The following OR6C74 variants were observed in gnomAD, a reference collection of about 807,000 sequenced individuals.
The protein encoded by OR6C74 is olfactory receptor 6C74.
For missense variants in OR6C74, 361 were observed against 362.9 expected (o/e 0.99, Z 0.04); for synonymous variants, 142 against 134.2 (o/e 1.06, Z -0.40).
Position 55,251,064 on chromosome 12 carries a change from A to T in OR6C74, c.*2838A>T, listed in dbSNP as rs919749367. Among the ~76,000 whole-genome samples the T allele has an allele frequency of 1.3e-5, 2 of 152,118 alleles. No homozygotes were observed. The highest frequency in any genetic ancestry group is 1.3e-4 in the Admixed American group (2 of 15,252). ...TCTCCGTTGCCTGCAAAATAATGAC[A>T]AAATTCCCCAAATATTTGCATAACC... On this transcript the variant is annotated 3_prime_UTR_variant, in exon 2 of 2. Coordinates refer to ENST00000343399, the MANE Select transcript of OR6C74 (RefSeq NM_001005490.2).
At position 55,256,203 on chromosome 12, in the gene OR6C74, G is replaced by T. The variant is rs574266340; in HGVS notation, c.*7977G>T. ...TCACCAAGATTCCTGTCCCAGAAAA[G>T]CAGATGTTCATAGCTCTGGGAATGG... is the stretch of plus-strand genomic sequence containing the variant. On this transcript the variant is annotated 3_prime_UTR_variant, in exon 2 of 2. Coordinates refer to ENST00000343399, the MANE Select transcript of OR6C74 (RefSeq NM_001005490.2). Among the ~76,000 whole-genome samples the T allele has an allele frequency of 4.6e-5, 7 of 152,118 alleles. No homozygotes were observed. Among genetic ancestry groups the T allele is most frequent in the Non-Finnish European group, 8.8e-5 (6 of 67,990 alleles).
At chr12:55,245,141 G>C (rs981307232) in intron 1 of OR6C74, among the ~76,000 whole-genome samples, 1 of 151,962 alleles carries the variant, frequency 6.6e-6, no homozygotes, top group African/African-American at 2.4e-5. Context: ...GTTTGTTTTT[G>C]TTTTTGTTTT....
chr12:55,255,828 T>G lies in OR6C74; in HGVS notation c.*7602T>G, dbSNP rs1954340307. ...AAGGCTATAAATTATTTAATTTCAT[T>G]TATATAATATTCTGGTAGAGATAAA... On this transcript the variant is annotated 3_prime_UTR_variant, in exon 2 of 2. Transcript: ENST00000343399. Among the ~76,000 whole-genome samples, 1 of 152,166 alleles carries G rather than the reference T, an allele frequency of 6.6e-6. No individual in the cohort carries two copies. The highest frequency in any genetic ancestry group is 2.1e-4 in the South Asian group (1 of 4,830).
At position 55,248,399 on chromosome 12, in the gene OR6C74, T is replaced by G. The variant is rs2136313998; in HGVS notation, c.*173T>G. 1 of 524,722 alleles carries G rather than the reference T, an allele frequency of 1.9e-6. No individual in the cohort carries two copies. Among genetic ancestry groups the G allele is most frequent in the South Asian group, 3.2e-5 (1 of 31,560 alleles). 32.5% of individuals were successfully genotyped at this position (524,722 alleles called of 1,614,324 possible). A position where few individuals can be genotyped will look rare whatever the true frequency, so the allele number is the denominator to read the frequency against. On this transcript the variant is annotated 3_prime_UTR_variant, in exon 2 of 2. Transcript: ENST00000343399. ...AACCTTCACTGCCATTTCTCCCTCATGCTGAGATCACATAGAAAAGATATT... is the reference window on the plus strand; with the variant it reads ...AACCTTCACTGCCATTTCTCCCTCAGGCTGAGATCACATAGAAAAGATATT...
Position 55,255,172 on chromosome 12 carries a change from G to C in OR6C74, c.*6946G>C, listed in dbSNP as rs1040416204. Among the ~76,000 whole-genome samples, 5 of 152,028 alleles carry C rather than the reference G, an allele frequency of 3.3e-5. No individual in the cohort carries two copies. Among genetic ancestry groups the C allele is most frequent in the Admixed American group, 3.3e-4 (5 of 15,266 alleles). ...TTCTAGCTATCTCTTTAAAATAGTG[G>C]GGGTTCCCTAAGTTCAGGATTTCAC... On this transcript the variant is annotated 3_prime_UTR_variant, in exon 2 of 2. Coordinates refer to ENST00000343399, the MANE Select transcript of OR6C74 (RefSeq NM_001005490.2).
In OR6C74 at chr12:55,248,175, A is replaced by G; in HGVS notation, c.888A>G (p.Lys296=). The G allele has an allele frequency of 6.2e-7, 1 of 1,613,388 alleles. No homozygotes were observed. Among genetic ancestry groups the G allele is most frequent in the Non-Finnish European group, 8.5e-7 (1 of 1,179,674 alleles). ...FIYTLRNKQV[K]DVFKHTVKKI... ...ATACACTGAGAAACAAACAAGTAAA[A>G]GATGTTTTTAAGCACACAGTCAAAA... The change falls in exon 2 of 2, where the codon AAA becomes AAG. Residue 296 remains lysine, a synonymous_variant. Transcript: ENST00000343399.
Position 55,247,927 on chromosome 12 carries a change from C to T in OR6C74, c.640C>T (p.Leu214Phe). 4 of 1,613,994 alleles carry T rather than the reference C, an allele frequency of 2.5e-6. No individual in the cohort carries two copies. Among genetic ancestry groups the T allele is most frequent in the Non-Finnish European group, 3.4e-6 (4 of 1,179,906 alleles). The change falls in exon 2 of 2, where the codon CTC becomes TTC. Residue 214 changes from leucine (L) to phenylalanine (F), a missense_variant. Transcript: ENST00000343399. ...TLLVTLVLVILSYTNIIRTIL... is the reference protein window; with the variant it reads ...TLLVTLVLVIFSYTNIIRTIL... Reference sequence around the variant, plus strand: ...CCTGGTTACACTGGTATTAGTGATTCTCTCCTACACAAATATTATCAGGAC... The same window carrying T: ...CCTGGTTACACTGGTATTAGTGATTTTCTCCTACACAAATATTATCAGGAC...
rs1954346282 is a variant in OR6C74, at chr12:55,256,493, G to A, written c.*8267G>A. ...TAATCATAGGTTATGGAAAGACTGTGTTTCTGTTTTAAGGCTCTGTTAGAA... is the reference window on the plus strand; with the variant it reads ...TAATCATAGGTTATGGAAAGACTGTATTTCTGTTTTAAGGCTCTGTTAGAA... On this transcript the variant is annotated 3_prime_UTR_variant, in exon 2 of 2. Transcript: ENST00000343399. 6.6e-6 allele frequency among the ~76,000 whole-genome samples: 1 copy of A among 152,062 alleles called. No homozygotes were observed. The highest frequency in any genetic ancestry group is 2.1e-4 in the South Asian group (1 of 4,818).
rs144133560 is a variant in OR6C74 at position 55,255,876 on chromosome 12, A to G, written c.*7650A>G. On this transcript the variant is annotated 3_prime_UTR_variant, in exon 2 of 2. Coordinates refer to ENST00000343399, the MANE Select transcript of OR6C74 (RefSeq NM_001005490.2). ...AAATTTATAGAGAAAGTAACATATC[A>G]GTGGTTGCCAGGACTTTGTTGGAGT... Among the ~76,000 whole-genome samples the G allele has an allele frequency of 6.6e-6, 1 of 152,152 alleles. No individual in the cohort carries two copies. Among genetic ancestry groups the G allele is most frequent in the Non-Finnish European group, 1.5e-5 (1 of 68,010 alleles).
In OR6C74 at chr12:55,250,976, G is replaced by A. The variant is rs541142937; in HGVS notation, c.*2750G>A. ...CTCTAACTCATCCTCCACATTGCTA[G>A]TAGGATACTTTCTAAAATACAAATC... On this transcript the variant is annotated 3_prime_UTR_variant, in exon 2 of 2. Transcript: ENST00000343399. 2.6e-5 allele frequency among the ~76,000 whole-genome samples: 4 copies of A among 152,100 alleles called. No homozygotes were observed. In the South Asian group the frequency reaches 8.3e-4, roughly 32 times the overall value.
Position 55,249,707 on chromosome 12 carries a change from G to T in OR6C74, c.*1481G>T, listed in dbSNP as rs764829916. On this transcript the variant is annotated 3_prime_UTR_variant, in exon 2 of 2. Transcript: ENST00000343399. ...AAAATAGAAAATAAATATCTAGGGA[G>T]TATTCTTTAACTTTCACTATTTGGC... 6.6e-5 allele frequency among the ~76,000 whole-genome samples: 10 copies of T among 152,030 alleles called. No individual in the cohort carries two copies. Among genetic ancestry groups the T allele is most frequent in the Non-Finnish European group, 1.3e-4 (9 of 67,986 alleles).
At chr12:55,245,602 C>T (rs932054732) in intron 1 of OR6C74, among the ~76,000 whole-genome samples, 1 of 152,070 alleles carries the variant, frequency 6.6e-6, no homozygotes, top group Non-Finnish European at 1.5e-5. Flanking sequence ...ACCCAGCAAG[C>T]ATTTTATTGT....
chr12:55,248,316 A>T lies in OR6C74; in HGVS notation c.*90A>T, dbSNP rs2136313958. 2 of 750,240 alleles carry T rather than the reference A, an allele frequency of 2.7e-6. No individual in the cohort carries two copies. The highest frequency in any genetic ancestry group is 5.4e-5 in the East Asian group (2 of 36,974). 46.5% of individuals were successfully genotyped at this position (750,240 alleles called of 1,614,324 possible). A position where few individuals can be genotyped will look rare whatever the true frequency, so the allele number is the denominator to read the frequency against. Reference sequence around the variant, plus strand: ...AGTTTTTCAATGTTTGTATTCAATAATATTACCTCTTTTTTGACTTATAAT... The same window carrying T: ...AGTTTTTCAATGTTTGTATTCAATATTATTACCTCTTTTTTGACTTATAAT... On this transcript the variant is annotated 3_prime_UTR_variant, in exon 2 of 2. Transcript: ENST00000343399.
At position 55,256,067 on chromosome 12, in the gene OR6C74, G is replaced by A. The variant is rs1000670457; in HGVS notation, c.*7841G>A. ...ATTGTAAATACAAAATTGCATGCAG[G>A]ATTGTGTAAAGACAATGCCAGGTTG... is the stretch of plus-strand genomic sequence containing the variant. On this transcript the variant is annotated 3_prime_UTR_variant, in exon 2 of 2. Transcript: ENST00000343399. Among the ~76,000 whole-genome samples the A allele has an allele frequency of 2.0e-5, 3 of 152,086 alleles. No individual in the cohort carries two copies. The highest frequency in any genetic ancestry group is 7.2e-5 in the African/African-American group (3 of 41,422).
At position 55,247,783 on chromosome 12, in the gene OR6C74, T is replaced by A. The variant is rs1197230882; in HGVS notation, c.496T>A (p.Phe166Ile). 1.9e-6 allele frequency: 3 copies of A among 1,614,016 alleles called. No homozygotes were observed. The highest frequency in any genetic ancestry group is 2.5e-6 in the Non-Finnish European group (3 of 1,179,990). ...ACTCCTGATGGGTCTCCAGCTTGAT[T>A]TCTGTGCAGCCAACACTGTAGATCA... ...PPLLMGLQLD[F>I]CAANTVDHFF... The change falls in exon 2 of 2, where the codon TTC becomes ATC. Residue 166 changes from phenylalanine to isoleucine, a missense_variant. Transcript: ENST00000343399.
chr12:55,251,293 GTA>G lies in OR6C74; in HGVS notation c.*3071_*3072del, dbSNP rs1472128036. ...ACTTCTGTGGAAGGCTGGTCGACAA[GTA>G]TATGTTAGTCACTTCATACTCAAAT... On this transcript the variant is annotated 3_prime_UTR_variant, in exon 2 of 2. Coordinates refer to ENST00000343399, the MANE Select transcript of OR6C74 (RefSeq NM_001005490.2). Among the ~76,000 whole-genome samples the G allele has an allele frequency of 2.0e-5, 3 of 152,064 alleles. No homozygotes were observed. Among genetic ancestry groups the G allele is most frequent in the African/African-American group, 4.8e-5 (2 of 41,428 alleles).
In OR6C74 at chr12:55,256,072, T is replaced by C. The variant is rs1313867183; in HGVS notation, c.*7846T>C. 1.3e-5 allele frequency among the ~76,000 whole-genome samples: 2 copies of C among 152,094 alleles called. No individual in the cohort carries two copies. The highest frequency in any genetic ancestry group is 2.9e-5 in the Non-Finnish European group (2 of 68,004). ...AAATACAAAATTGCATGCAGGATTG[T>C]GTAAAGACAATGCCAGGTTGGACTG... On this transcript the variant is annotated 3_prime_UTR_variant, in exon 2 of 2. Coordinates refer to ENST00000343399, the MANE Select transcript of OR6C74 (RefSeq NM_001005490.2).
rs935927113 is a variant in OR6C74, at chr12:55,256,576, T to C, written c.*8350T>C. On this transcript the variant is annotated 3_prime_UTR_variant, in exon 2 of 2. Coordinates refer to ENST00000343399, the MANE Select transcript of OR6C74 (RefSeq NM_001005490.2). ...TATCTCTGTATACTGTACTTCTGCATACAGATGTTATGTTAAAGAACTACT... is the reference window on the plus strand; with the variant it reads ...TATCTCTGTATACTGTACTTCTGCACACAGATGTTATGTTAAAGAACTACT... Among the ~76,000 whole-genome samples the C allele has an allele frequency of 1.3e-5, 2 of 152,164 alleles. No homozygotes were observed. Among genetic ancestry groups the C allele is most frequent in the African/African-American group, 4.8e-5 (2 of 41,456 alleles).
rs991177874 is a variant in OR6C74, at chr12:55,251,786, G to A, written c.*3560G>A. ...TAGTTTTATCCTTTAAAAATCTTTTGAAGTAAAAGAATAGTCAATATTATC... is the reference window on the plus strand; with the variant it reads ...TAGTTTTATCCTTTAAAAATCTTTTAAAGTAAAAGAATAGTCAATATTATC... On this transcript the variant is annotated 3_prime_UTR_variant, in exon 2 of 2. Coordinates refer to ENST00000343399, the MANE Select transcript of OR6C74 (RefSeq NM_001005490.2). Among the ~76,000 whole-genome samples the A allele has an allele frequency of 2.0e-5, 3 of 151,614 alleles. No individual in the cohort carries two copies. Among genetic ancestry groups the A allele is most frequent in the Non-Finnish European group, 4.4e-5 (3 of 67,774 alleles).
Sources: allele counts gnomAD v4.1 joint callset (sites outside exome capture counted in the v4.1 genomes callset), GRCh38; gene constraint gnomAD v4.1.1; transcripts MANE v1.5; gene names NCBI Gene and HGNC (gene_info 2026-07-23, HGNC 2026-07-21).